ATP11A: variants seen among roughly 807,000 people sequenced by gnomAD.
ATP11A encodes the protein ATPase phospholipid transporting 11A.
In ATP11A, 81 loss-of-function variants were observed where a neutral mutation model predicts 154.4. The observed-to-expected ratio is 0.52, with a 90% CI of 0.44 to 0.63. ATP11A has a LOEUF of 0.63. ATP11A is among the 30% of genes least tolerant of loss of function. ATP11A has a pLI of 0.00. For synonymous variants in ATP11A, 623 were observed against 585.9 expected, an observed-to-expected ratio of 1.06 and a Z score of -0.91; for missense variants, 1,316 against 1,474.3, an observed-to-expected ratio of 0.89 and a Z score of 1.76.
chr13:112,747,551 CAG>C (rs1362859202), intron 1 of ATP11A: 1 of 152,220 alleles, frequency 6.6e-6, no homozygotes, highest in Non-Finnish European at 1.5e-5. Flanking sequence ...AAAAGTAACA[CAG>C]GGCCTGGTAT....
At chr13:112,719,158 G>A (rs1047977282) in intron 1 of ATP11A, among the ~76,000 whole-genome samples, 2 of 151,912 alleles carry the variant, frequency 1.3e-5, no homozygotes, top group Admixed American at 6.6e-5. Context: ...CCTGTGACGC[G>A]CAGGTGTGAC....
intron 1 of ATP11A, among the ~76,000 whole-genome samples, chr13:112,784,863 G>A (rs553686961): frequency 7.2e-5 from 11 of 152,312 alleles, no homozygotes; most frequent in African/African-American, 2.4e-4. Context: ...TGTTTCCACT[G>A]GCAGTCAGCT....
intron 29 of ATP11A, among the ~76,000 whole-genome samples, chr13:112,878,740 C>T (rs1361428603): frequency 1.3e-5 from 2 of 152,222 alleles, no homozygotes; most frequent in Non-Finnish European, 2.9e-5. Context: ...TCCTCCCTCA[C>T]GCACCCACTT....
At position 112,746,703 on chromosome 13, in the gene ATP11A, G is replaced by A. The variant is rs1892198697; in HGVS notation, c.40-38432G>A. On this transcript the variant is annotated intron_variant, in intron 1 of 29. Transcript: ENST00000375645. This position sits in a 1 kb window ranked among gnomAD's most constrained non-coding sequence, Gnocchi z 4.1. ...TGGGATCACAGGCGTGCACCACCAT[G>A]CCTGGCTAATTAAAAAAAAAAAAAA... 3 of 140,728 alleles carry A rather than the reference G, an allele frequency of 2.1e-5. No homozygotes were observed. The highest frequency in any genetic ancestry group is 3.0e-5 in the Non-Finnish European group (2 of 65,736). 8.7% of individuals were successfully genotyped at this position (140,728 alleles called of 1,614,324 possible). A position where few individuals can be genotyped will look rare whatever the true frequency, so the allele number is the denominator to read the frequency against.
chr13:112,776,401 G>A (rs1032813553), intron 1 of ATP11A, among the ~76,000 whole-genome samples: 2 of 152,146 alleles, frequency 1.3e-5, no homozygotes, highest in Non-Finnish European at 2.9e-5. Flanking sequence ...GAAATGTGGG[G>A]AGGGTCAGAG....
intron 1 of ATP11A, among the ~76,000 whole-genome samples, chr13:112,775,396 G>A (rs1594642999): frequency 6.6e-6 from 1 of 152,184 alleles, no homozygotes; most frequent in South Asian, 2.1e-4. Context: ...CAGTCGGGGG[G>A]CCGCTGACAG....
chr13:112,762,017 G>T (rs2076974898), intron 1 of ATP11A, among the ~76,000 whole-genome samples: 1 of 152,194 alleles, frequency 6.6e-6, no homozygotes, highest in African/African-American at 2.4e-5. Context: ...CCCTGTGGGT[G>T]TTTGAGTTCG....
chr13:112,859,536 T>A lies in ATP11A; in HGVS notation c.2727+84T>A, dbSNP rs1234762905. ...GGTGGCTGCTGTGGGGAGGGGAGAC[T>A]TGGGAATGAGCAGCACTCCCCGGCA... is the stretch of plus-strand genomic sequence containing the variant. On this transcript the variant is annotated intron_variant, in intron 23 of 29. Transcript: ENST00000375645. This position sits in a 1 kb window ranked among gnomAD's most constrained non-coding sequence, Gnocchi z 4.3. 8.3e-7 allele frequency: 1 copy of A among 1,197,890 alleles called. No individual in the cohort carries two copies. The highest frequency in any genetic ancestry group is 1.2e-6 in the Non-Finnish European group (1 of 801,902). The allele number at this position is 1,197,890 out of a possible 1,614,324, so 74.2% of individuals were successfully genotyped here. A position where few individuals can be genotyped will look rare whatever the true frequency, so the allele number is the denominator to read the frequency against.
At chr13:112,834,532 A>G (rs1483432380) in intron 14 of ATP11A, 57 bp from the exon 15 acceptor site, 2 of 1,134,722 alleles carry the variant, frequency 1.8e-6, no homozygotes, top group Non-Finnish European at 2.7e-6. Context: ...CAAATACTCT[A>G]TGAAAGAGGA....
intron 1 of ATP11A, among the ~76,000 whole-genome samples, chr13:112,724,524 C>T (rs1889600142): frequency 6.6e-6 from 1 of 152,100 alleles, no homozygotes; most frequent in Non-Finnish European, 1.5e-5. Context: ...GTGCGGCAGC[C>T]AGGATTCGTG....
rs1462162963 is a variant in ATP11A at position 112,884,716 on chromosome 13, T to G, written c.*2850T>G. ...AATTATCAATTTGTAATTCAGCATG[T>G]TGGTCAGAGACACGGTCACTGATTC... On this transcript the variant is annotated 3_prime_UTR_variant, in exon 30 of 30. Coordinates refer to ENST00000375645, the MANE Select transcript of ATP11A (RefSeq NM_015205.3). 1 of 152,368 alleles carries G rather than the reference T, an allele frequency of 6.6e-6. No individual in the cohort carries two copies. The highest frequency in any genetic ancestry group is 6.5e-5 in the Admixed American group (1 of 15,284). The allele number at this position is 152,368 out of a possible 1,614,324, so 9.4% of individuals were successfully genotyped here.
chr13:112,720,460 G>C (rs937410102), intron 1 of ATP11A, among the ~76,000 whole-genome samples: 1 of 152,254 alleles, frequency 6.6e-6, no homozygotes, highest in African/African-American at 2.4e-5. Flanking sequence ...ACCTTCGTCT[G>C]CTGTGGCCGC....
chr13:112,851,355 C>G, intron 18 of ATP11A, 137 bp downstream of exon 18: 1 of 773,264 alleles, frequency 1.3e-6, no homozygotes, highest in South Asian at 1.8e-5. Context: ...CAGGGAGAGG[C>G]TAGGTGTCTT....
chr13:112,784,079 G>A (rs1263813143), intron 1 of ATP11A, among the ~76,000 whole-genome samples: 2 of 152,176 alleles, frequency 1.3e-5, no homozygotes, highest in African/African-American at 4.8e-5. Flanking sequence ...AGCAGGAGGC[G>A]GAAGAAACAG....
intron 17 of ATP11A, among the ~76,000 whole-genome samples, chr13:112,850,335 C>T (rs1031488131): frequency 3.3e-5 from 5 of 152,182 alleles, no homozygotes; most frequent in African/African-American, 9.7e-5. Flanking sequence ...ACCTCTGTGA[C>T]GGTCGCGCTC....
chr13:112,882,886 C>G lies in ATP11A; in HGVS notation c.*1020C>G. On this transcript the variant is annotated 3_prime_UTR_variant, in exon 30 of 30. Coordinates refer to ENST00000375645, the MANE Select transcript of ATP11A (RefSeq NM_015205.3). The surrounding 1 kb of genome is among the most constrained non-coding windows in gnomAD (Gnocchi z 5.1). ...CCAAGGTGGTGTTCGTGCACCAGAA[C>G]CTGTCTCGGGCTGACGGGGGTGGCA... 2.5e-6 allele frequency: 1 copy of G among 398,888 alleles called. No homozygotes were observed. The highest frequency in any genetic ancestry group is 2.1e-5 in the African/African-American group (1 of 48,730). 24.7% of individuals were successfully genotyped at this position (398,888 alleles called of 1,614,324 possible).
At chr13:112,836,939 C>T (rs1156441860) in intron 16 of ATP11A, among the ~76,000 whole-genome samples, 2 of 152,242 alleles carry the variant, frequency 1.3e-5, no homozygotes, top group East Asian at 1.9e-4. Flanking sequence ...GACCTCCCTG[C>T]GAGGAGCTCT....
In ATP11A at chr13:112,827,105, G is replaced by A. The variant is rs117236353; in HGVS notation, c.1221+214G>A. On this transcript the variant is annotated intron_variant, in intron 12 of 29. Transcript: ENST00000375645. ...AATTACCTGCACTTGCTGACTCCTGGAAACTCATTGGAGCTTCCTGGGCAG... is the reference window on the plus strand; with the variant it reads ...AATTACCTGCACTTGCTGACTCCTGAAAACTCATTGGAGCTTCCTGGGCAG... Among the ~76,000 whole-genome samples, 287 of 152,332 alleles carry A rather than the reference G, an allele frequency of 1.9e-3. 1 individual carries two copies. Among genetic ancestry groups the A allele is most frequent in the Non-Finnish European group, 3.4e-3 (228 of 68,038 alleles).
chr13:112,714,580 T>G (rs1888210548), intron 1 of ATP11A, among the ~76,000 whole-genome samples: 1 of 152,188 alleles, frequency 6.6e-6, no homozygotes, highest in East Asian at 1.9e-4. Flanking sequence ...TCCAGCCCCC[T>G]CTGCTGCCTT....
Sources: allele counts gnomAD v4.1 joint callset (sites outside exome capture counted in the v4.1 genomes callset), GRCh38; gene constraint gnomAD v4.1.1; non-coding constraint Gnocchi (gnomAD v3.1); transcripts MANE v1.5; gene names NCBI Gene and HGNC (gene_info 2026-07-23, HGNC 2026-07-21).